Variants in PPTC7 observed in about 807,000 individuals in gnomAD.
PPTC7 encodes the protein protein phosphatase PTC7 homolog.
PPTC7 carries 6 observed loss-of-function variants against 30.8 expected under a neutral mutation model. That is an observed-to-expected ratio of 0.19 (90% CI 0.11 to 0.38). PPTC7 has a LOEUF of 0.38. PPTC7 is among the 10% of genes least tolerant of loss of function. The pLI, the probability that PPTC7 is intolerant of heterozygous loss-of-function variation, is 1.00. For missense variants in PPTC7, 218 were observed against 404.8 expected (o/e 0.54, Z 3.96); for synonymous variants, 163 against 168.1 (o/e 0.97, Z 0.23).
chr12:110,546,228 C>A, intron 2 of PPTC7, 150 bp from the exon 3 acceptor site: 2 of 630,122 alleles, frequency 3.2e-6, no homozygotes, highest in Non-Finnish European at 5.6e-6. Context: ...ACATCCTCTA[C>A]GAATATCAAT....
intron 2 of PPTC7, among the ~76,000 whole-genome samples, chr12:110,550,228 T>C (rs2064339964): frequency 7.0e-6 from 1 of 143,176 alleles, no homozygotes; most frequent in South Asian, 2.3e-4. Flanking sequence ...GGCTGATTTT[T>C]TTTTTTTTTT....
intron 1 of PPTC7, among the ~76,000 whole-genome samples, chr12:110,566,017 T>TA (rs533326074): frequency 1.2e-4 from 19 of 152,292 alleles, no homozygotes; most frequent in African/African-American, 4.3e-4. Context: ...GATTCTGACT[T>TA]ACATGAATAA....
intron 2 of PPTC7, among the ~76,000 whole-genome samples, chr12:110,550,574 C>T (rs567623087): frequency 3.3e-5 from 5 of 151,982 alleles, no homozygotes; most frequent in Non-Finnish European, 7.4e-5. Flanking sequence ...GGGAAGGAGG[C>T]CTTCTAGTAA....
At chr12:110,545,246 T>C (rs1196521051) in intron 3 of PPTC7, among the ~76,000 whole-genome samples, 1 of 152,044 alleles carries the variant, frequency 6.6e-6, no homozygotes, top group African/African-American at 2.4e-5. Context: ...GCGCCCGCCA[T>C]CACGCCCAGC....
In PPTC7 at chr12:110,535,698, A is replaced by AT. The variant is rs1248754685; in HGVS notation, c.*1338dup. ...TTAATTTAAGGATTTCTAAGTATAT[A>AT]TTTTTTTCTACCACCAAGTTAATGA... On this transcript the variant is annotated 3_prime_UTR_variant, in exon 6 of 6. Transcript: ENST00000354300. 1 of 152,444 alleles carries AT rather than the reference A, an allele frequency of 6.6e-6. No homozygotes were observed. The highest frequency in any genetic ancestry group is 1.5e-5 in the Non-Finnish European group (1 of 68,012). 9.4% of individuals were successfully genotyped at this position (152,444 alleles called of 1,614,324 possible).
At chr12:110,581,537 A>G (rs1327109942) in intron 1 of PPTC7, among the ~76,000 whole-genome samples, 1 of 152,208 alleles carries the variant, frequency 6.6e-6, no homozygotes, top group East Asian at 1.9e-4. Context: ...TGCAAGCTGC[A>G]GGACCTTTCT....
chr12:110,555,961 G>A (rs180923415), intron 1 of PPTC7, among the ~76,000 whole-genome samples: 1 of 152,308 alleles, frequency 6.6e-6, no homozygotes, highest in Admixed American at 6.5e-5. Context: ...ACCACTGCCT[G>A]CTTCAGGGAA....
At position 110,583,151 on chromosome 12, in the gene PPTC7, G is replaced by T; in HGVS notation, c.-120C>A. 1.6e-6 allele frequency: 1 copy of T among 636,308 alleles called. No homozygotes were observed. The highest frequency in any genetic ancestry group is 2.1e-6 in the Non-Finnish European group (1 of 467,548). 39.4% of individuals were successfully genotyped at this position (636,308 alleles called of 1,614,324 possible). On this transcript the variant is annotated 5_prime_UTR_variant, in exon 1 of 6. Coordinates refer to ENST00000354300, the MANE Select transcript of PPTC7 (RefSeq NM_139283.2). ...CCGCTGGGGCGCTCCTCAGGGCGGC[G>T]CGCAGTGGCCGCCGCCGCCCCTGCC...
intron 1 of PPTC7, 60 bp from the exon 2 acceptor site, chr12:110,552,028 T>C: frequency 2.1e-6 from 3 of 1,402,916 alleles, no homozygotes; most frequent in South Asian, 2.5e-5. Flanking sequence ...CAGGAATTCT[T>C]ACCTCTGTTT....
chr12:110,549,213 AT>A (rs1177491292), intron 2 of PPTC7, among the ~76,000 whole-genome samples: 1 of 152,280 alleles, frequency 6.6e-6, no homozygotes, highest in East Asian at 1.9e-4. Context: ...GACCTTATCA[AT>A]CCATTTAAAG....
chr12:110,544,232 C>T (rs1436747083), intron 3 of PPTC7, among the ~76,000 whole-genome samples: 1 of 152,142 alleles, frequency 6.6e-6, no homozygotes, highest in African/African-American at 2.4e-5. Context: ...TTTAGATGGG[C>T]AATGCTGAAC....
chr12:110,581,502 G>C (rs770235343), intron 1 of PPTC7, among the ~76,000 whole-genome samples: 1 of 152,040 alleles, frequency 6.6e-6, no homozygotes, highest in Non-Finnish European at 1.5e-5. Context: ...AGCTGACTTC[G>C]GGGTGGATTT....
At position 110,538,375 on chromosome 12, in the gene PPTC7, G is replaced by A. The variant is rs979001072; in HGVS notation, c.727-102C>T. On this transcript the variant is annotated intron_variant, in intron 4 of 5. Transcript: ENST00000354300. Reference sequence around the variant, plus strand: ...TGTAAGTTTTATTCTAGTTAGAAAAGACATTAAAACATCATGCCCTGGCTA... The same window carrying A: ...TGTAAGTTTTATTCTAGTTAGAAAAAACATTAAAACATCATGCCCTGGCTA... 1.4e-5 allele frequency: 16 copies of A among 1,166,868 alleles called. No homozygotes were observed. The Admixed American group carries it at 3.0e-4, about 22-fold the overall frequency. 72.3% of individuals were successfully genotyped at this position (1,166,868 alleles called of 1,614,324 possible). A position where few individuals can be genotyped will look rare whatever the true frequency, so the allele number is the denominator to read the frequency against.
chr12:110,559,452 G>A (rs945395141), intron 1 of PPTC7, among the ~76,000 whole-genome samples: 10 of 150,630 alleles, frequency 6.6e-5, no homozygotes, highest in East Asian at 3.9e-4. Context: ...CGGGCCCAGC[G>A]TGGTGGTTCA....
chr12:110,561,735 T>A (rs1184429267), intron 1 of PPTC7, among the ~76,000 whole-genome samples: 1 of 152,080 alleles, frequency 6.6e-6, no homozygotes, highest in African/African-American at 2.4e-5. Context: ...GGCGGGTGTA[T>A]CATTTAAGCT....
chr12:110,583,277 G>C lies in PPTC7; in HGVS notation c.-246C>G, dbSNP rs906671369. Reference sequence around the variant, plus strand: ...CCTCAGCCCAACTGAAGTCCCGGCTGCAGCGGCCGCCGCCGCCGCCGCCAT... The same window carrying C: ...CCTCAGCCCAACTGAAGTCCCGGCTCCAGCGGCCGCCGCCGCCGCCGCCAT... On this transcript the variant is annotated 5_prime_UTR_variant, in exon 1 of 6. Transcript: ENST00000354300. 43 of 166,480 alleles carry C rather than the reference G, an allele frequency of 2.6e-4. 1 individual carries two copies. Among genetic ancestry groups the C allele is most frequent in the Non-Finnish European group, 2.0e-4 (16 of 78,956 alleles). The allele number at this position is 166,480 out of a possible 1,614,324, so 10.3% of individuals were successfully genotyped here. A position where few individuals can be genotyped will look rare whatever the true frequency, so the allele number is the denominator to read the frequency against.
In PPTC7 at chr12:110,539,873, G is replaced by C; in HGVS notation, c.675C>G (p.Leu225=). ...GDIILTATDG[L]FDNMPDYMIL... is the part of the protein sequence containing the mutation. ...TCATATAATCAGGCATGTTGTCAAAGAGTCCATCTGTTGCCGTCAGGATAA... is the reference window on the plus strand; with the variant it reads ...TCATATAATCAGGCATGTTGTCAAACAGTCCATCTGTTGCCGTCAGGATAA... The change falls in exon 4 of 6, where the codon CTC becomes CTG. Residue 225 remains leucine, a synonymous_variant. Transcript: ENST00000354300. 2 of 1,613,962 alleles carry C rather than the reference G, an allele frequency of 1.2e-6. No homozygotes were observed. The highest frequency in any genetic ancestry group is 8.5e-7 in the Non-Finnish European group (1 of 1,179,892).
At chr12:110,544,362 A>G (rs2064288479) in intron 3 of PPTC7, among the ~76,000 whole-genome samples, 1 of 152,242 alleles carries the variant, frequency 6.6e-6, no homozygotes, top group South Asian at 2.1e-4. Flanking sequence ...AGTACTTGCT[A>G]GAATGCTTCT....
chr12:110,539,828 C>CT lies in PPTC7; in HGVS notation c.719dup (p.Leu241ValfsTer7). On this transcript the variant is annotated frameshift_variant, in exon 4 of 6. Transcript: ENST00000354300. LOFTEE classifies it high-confidence loss of function. ...TAACCTTTGAGTTAATTACCTTTAA[C>CT]TTTTTTAGCTCCTGAAGAATCATAT... 6.2e-7 allele frequency: 1 copy of CT among 1,613,774 alleles called. No homozygotes were observed. Among genetic ancestry groups the CT allele is most frequent in the Non-Finnish European group, 8.5e-7 (1 of 1,179,844 alleles).
Sources: allele counts gnomAD v4.1 joint callset (sites outside exome capture counted in the v4.1 genomes callset), GRCh38; gene constraint gnomAD v4.1.1; transcripts MANE v1.5; gene names NCBI Gene and HGNC (gene_info 2026-07-23, HGNC 2026-07-21).